SMOC2: variants seen among roughly 807,000 people sequenced by gnomAD.
SMOC2 encodes the protein SPARC related modular calcium binding 2.
SMOC2 carries 39 observed loss-of-function variants against 61.4 expected under a neutral mutation model. The ratio of observed to expected loss-of-function variants is 0.64; its 90% confidence interval spans 0.49 to 0.83. The LOEUF is 0.83. Among genes scored for constraint, SMOC2 ranks in the 40% least tolerant of loss-of-function variants. The probability of loss-of-function intolerance (pLI) is 0.00; values close to 1 mark genes in which losing one functional copy is unlikely to be tolerated. For missense variants in SMOC2, 556 were observed against 592.9 expected, an observed-to-expected ratio of 0.94 and a Z score of 0.65; for synonymous variants, 247 against 239.9, an observed-to-expected ratio of 1.03 and a Z score of -0.27.
At chr6:168,612,483 C>CA (rs1278399024) in intron 9 of SMOC2, among the ~76,000 whole-genome samples, 1 of 147,874 alleles carries the variant, frequency 6.8e-6, no homozygotes, top group Admixed American at 6.8e-5. Flanking sequence ...AGCCTTTACT[C>CA]AAACAGCAGT....
intron 1 of SMOC2, among the ~76,000 whole-genome samples, chr6:168,451,607 C>CTCTG (rs1781466217): frequency 1.3e-5 from 2 of 150,406 alleles, no homozygotes; most frequent in Non-Finnish European, 1.5e-5. Flanking sequence ...CTGTCTCTCT[C>CTCTG]TCTCTCTCTC....
Position 168,623,482 on chromosome 6 carries a change from CTTA to C in SMOC2, c.907+15246_907+15248del, listed in dbSNP as rs1192110874. Among the ~76,000 whole-genome samples the C allele has an allele frequency of 2.1e-3, 304 of 146,478 alleles. 1 individual carries two copies. Among genetic ancestry groups the C allele is most frequent in the African/African-American group, 7.4e-3 (291 of 39,080 alleles). The stretch of plus-strand genomic sequence containing the variant: ...TAGGACTACACACCACCCCACCTGG[CTTA>C]TTTATTTATTTATTTATTTATTTAT... On this transcript the variant is annotated intron_variant, in intron 9 of 12. Coordinates refer to ENST00000356284, the MANE Select transcript of SMOC2 (RefSeq NM_001166412.2).
chr6:168,490,314 G>T (rs561834142), intron 1 of SMOC2, among the ~76,000 whole-genome samples: 1 of 152,314 alleles, frequency 6.6e-6, no homozygotes, highest in African/African-American at 2.4e-5. Context: ...CACTGTTTTA[G>T]AATGAAATAT....
At chr6:168,577,384 T>C (rs1163667305) in intron 7 of SMOC2, among the ~76,000 whole-genome samples, 1 of 152,228 alleles carries the variant, frequency 6.6e-6, no homozygotes, top group Non-Finnish European at 1.5e-5. Context: ...TTTTAGTCTC[T>C]GTAAGACTCT....
At position 168,599,820 on chromosome 6, in the gene SMOC2, C is replaced by CAG. The variant is rs1183795256; in HGVS notation, c.824+817_824+818insGA. Among the ~76,000 whole-genome samples, 5 of 126,748 alleles carry CAG rather than the reference C, an allele frequency of 3.9e-5. No homozygotes were observed. In the East Asian group the frequency reaches 1.3e-3, roughly 33 times the overall value. 83.2% of individuals were successfully genotyped at this position (126,748 alleles called of 152,430 possible). On this transcript the variant is annotated intron_variant, in intron 8 of 12. Coordinates refer to ENST00000356284, the MANE Select transcript of SMOC2 (RefSeq NM_001166412.2). ...CAGTCACACATTCACCCCACACACA[C>CAG]ACACACACGCCCCCCACACCCACAG...
intron 4 of SMOC2, among the ~76,000 whole-genome samples, chr6:168,528,206 G>A (rs1468901462): frequency 6.7e-6 from 1 of 150,262 alleles, no homozygotes; most frequent in African/African-American, 2.4e-5. Context: ...AGGGCTTGAT[G>A]TACTAAAAGT....
intron 1 of SMOC2, among the ~76,000 whole-genome samples, chr6:168,456,736 G>T (rs1781596048): frequency 6.6e-6 from 1 of 152,152 alleles, no homozygotes; most frequent in Non-Finnish European, 1.5e-5. Context: ...GGGACATCAG[G>T]TACTGTTAAC....
rs1562348387 is a variant in SMOC2 at position 168,560,557 on chromosome 6, CG to C, written c.637+11355del. ...GGTGTCATTTTCCTGCCCTGAGACA[CG>C]AGGCTCTCACTGCATTCTTGGAGGA... On this transcript the variant is annotated intron_variant, in intron 7 of 12. Transcript: ENST00000356284. 1.1e-4 allele frequency among the ~76,000 whole-genome samples: 14 copies of C among 126,572 alleles called. 1 individual carries two copies. The highest frequency in any genetic ancestry group is 5.4e-4 in the South Asian group (2 of 3,670). 83.0% of individuals were successfully genotyped at this position (126,572 alleles called of 152,430 possible).
At chr6:168,629,808 A>G (rs1317542571) in intron 9 of SMOC2, among the ~76,000 whole-genome samples, 1 of 152,206 alleles carries the variant, frequency 6.6e-6, no homozygotes, top group Non-Finnish European at 1.5e-5. Flanking sequence ...TCCTCAGTTT[A>G]ATAGAATAGT....
At chr6:168,518,753 G>A (rs959564949) in intron 2 of SMOC2, among the ~76,000 whole-genome samples, 2 of 151,034 alleles carry the variant, frequency 1.3e-5, no homozygotes, top group African/African-American at 2.4e-5. Context: ...ATGTGCATGT[G>A]TGTGTGTTCA....
At chr6:168,562,378 A>ATGTG (rs1562349469) in intron 7 of SMOC2, among the ~76,000 whole-genome samples, 1,298 of 25,644 alleles carry the variant, frequency 0.051, no homozygotes, top group Admixed American at 0.062. Context: ...CCTGAGACAC[A>ATGTG]AGGCTCTCAC....
chr6:168,629,518 T>C (rs1414580734), intron 9 of SMOC2, among the ~76,000 whole-genome samples: 1 of 152,224 alleles, frequency 6.6e-6, no homozygotes, highest in African/African-American at 2.4e-5. Flanking sequence ...TCTCTTGTCA[T>C]CTGGGAAATT....
chr6:168,453,287 A>C lies in SMOC2; in HGVS notation c.84+11833A>C, dbSNP rs907642500. On this transcript the variant is annotated intron_variant, in intron 1 of 12. Transcript: ENST00000356284. This position sits in a 1 kb window ranked among gnomAD's most constrained non-coding sequence, Gnocchi z 4.4. ...GGCAGCCAGGGGGTGTGGTGGCCTC[A>C]AGGCTCCGTCACCCTGCGGCCCTGT... Among the ~76,000 whole-genome samples, 1 of 152,104 alleles carries C rather than the reference A, an allele frequency of 6.6e-6. No homozygotes were observed. The highest frequency in any genetic ancestry group is 1.5e-5 in the Non-Finnish European group (1 of 68,006).
At position 168,600,441 on chromosome 6, in the gene SMOC2, A is replaced by AAC. The variant is rs1562374021; in HGVS notation, c.824+1438_824+1439insCA. Among the ~76,000 whole-genome samples, 19 of 127,052 alleles carry AAC rather than the reference A, an allele frequency of 1.5e-4. 2 individuals carry two copies. The highest frequency in any genetic ancestry group is 3.9e-4 in the African/African-American group (13 of 33,594). The allele number at this position is 127,052 out of a possible 152,430, so 83.4% of individuals were successfully genotyped here. On this transcript the variant is annotated intron_variant, in intron 8 of 12. Coordinates refer to ENST00000356284, the MANE Select transcript of SMOC2 (RefSeq NM_001166412.2). ...AAAAAACAAAAAAAAAAACAAAAAA[A>AAC]AAAACAGTAGTTTCAACTGTTGGAA...
At chr6:168,489,129 C>G (rs1434761143) in intron 1 of SMOC2, among the ~76,000 whole-genome samples, 1 of 149,958 alleles carries the variant, frequency 6.7e-6, no homozygotes, top group Non-Finnish European at 1.5e-5. Flanking sequence ...CGTCTGGGTC[C>G]CCTTGGATCA....
At chr6:168,536,235 C>T (rs1367420124) in intron 4 of SMOC2, among the ~76,000 whole-genome samples, 2 of 152,214 alleles carry the variant, frequency 1.3e-5, no homozygotes, top group African/African-American at 2.4e-5. Context: ...ATGACCATCT[C>T]AACACGGGAT....
At chr6:168,546,086 AT>A (rs57543895) in intron 5 of SMOC2, among the ~76,000 whole-genome samples, 17,326 of 151,888 alleles carry the variant, frequency 0.11, 2,845 homozygotes, top group African/African-American at 0.36. Flanking sequence ...ATCTGTTTTG[AT>A]TTTCCCCCTA....
Position 168,467,333 on chromosome 6 carries a change from G to A in SMOC2, c.84+25879G>A, listed in dbSNP as rs567543082. 4.0e-5 allele frequency among the ~76,000 whole-genome samples: 6 copies of A among 150,350 alleles called. No homozygotes were observed. In the East Asian group the frequency reaches 1.2e-3, roughly 30 times the overall value. On this transcript the variant is annotated intron_variant, in intron 1 of 12. Transcript: ENST00000356284. Reference sequence around the variant, plus strand: ...AGGTTTTTTTTTTTTCAGAGATGGAGTCTCGCCCTGTCGCCCAGGCTGGAG... The same window carrying A: ...AGGTTTTTTTTTTTTCAGAGATGGAATCTCGCCCTGTCGCCCAGGCTGGAG...
At chr6:168,638,375 C>T (rs73789160) in intron 9 of SMOC2, among the ~76,000 whole-genome samples, 27,880 of 152,216 alleles carry the variant, frequency 0.18, 2,676 homozygotes, top group African/African-American at 0.23. Flanking sequence ...ACTTTAAGAG[C>T]AAGTGTCATT....
Sources: allele counts gnomAD v4.1 joint callset (sites outside exome capture counted in the v4.1 genomes callset), GRCh38; gene constraint gnomAD v4.1.1; non-coding constraint Gnocchi (gnomAD v3.1); transcripts MANE v1.5; gene names NCBI Gene and HGNC (gene_info 2026-07-23, HGNC 2026-07-21).